TTYH3: variants seen among roughly 807,000 people sequenced by gnomAD.
The protein encoded by TTYH3 is protein tweety homolog 3.
TTYH3 carries 23 observed loss-of-function variants against 68.2 expected under a neutral mutation model. That is an observed-to-expected ratio of 0.34 (90% CI 0.24 to 0.48). The LOEUF (loss-of-function observed/expected upper bound fraction) is 0.48. Ranked by LOEUF, TTYH3 falls within the 20% of genes least tolerant of loss-of-function variation. The pLI is 0.99. For synonymous variants in TTYH3, 360 were observed against 332.8 expected, an observed-to-expected ratio of 1.08 and a Z score of -0.89; for missense variants, 768 against 727.7, an observed-to-expected ratio of 1.06 and a Z score of -0.64.
In TTYH3 at chr7:2,664,555, G is replaced by C. The variant is rs1361981991; in HGVS notation, c.*2816G>C. 1 of 151,660 alleles carries C rather than the reference G, an allele frequency of 6.6e-6. No homozygotes were observed. The highest frequency in any genetic ancestry group is 2.4e-5 in the African/African-American group (1 of 41,114). The allele number at this position is 151,660 out of a possible 1,614,324, so 9.4% of individuals were successfully genotyped here. On this transcript the variant is annotated 3_prime_UTR_variant, in exon 14 of 14. Transcript: ENST00000258796. ...TGGGCATCTGACCTCCCCCACCCCA[G>C]TGTGATTTAACATCCAGGAACTGAG...
At chr7:2,659,918 C>A in intron 13 of TTYH3, 1 of 1,300,258 alleles carries the variant, frequency 7.7e-7, no homozygotes, top group Non-Finnish European at 1.0e-6. Context: ...TCTTGCACCC[C>A]ACCCACCCCG....
Position 2,632,035 on chromosome 7 carries a change from A to T in TTYH3, c.-121A>T. On this transcript the variant is annotated 5_prime_UTR_variant, in exon 1 of 14. Coordinates refer to ENST00000258796, the MANE Select transcript of TTYH3 (RefSeq NM_025250.3). Reference sequence around the variant, plus strand: ...GGCCGAGCCGGGCCGGGCCGGGCCCAGGAGCGCGCGGATGATGCGGGCGGC... The same window carrying T: ...GGCCGAGCCGGGCCGGGCCGGGCCCTGGAGCGCGCGGATGATGCGGGCGGC... 1 of 907,344 alleles carries T rather than the reference A, an allele frequency of 1.1e-6. No homozygotes were observed. The highest frequency in any genetic ancestry group is 1.4e-6 in the Non-Finnish European group (1 of 720,418). 56.2% of individuals were successfully genotyped at this position (907,344 alleles called of 1,614,324 possible). A position where few individuals can be genotyped will look rare whatever the true frequency, so the allele number is the denominator to read the frequency against.
At chr7:2,636,791 C>T (rs1785668099) in intron 1 of TTYH3, among the ~76,000 whole-genome samples, 1 of 92,352 alleles carries the variant, frequency 1.1e-5, no homozygotes, top group Non-Finnish European at 2.0e-5. Flanking sequence ...AGCTGTGGGC[C>T]CTGGACCTGC....
chr7:2,646,496 C>T (rs1409297751), intron 1 of TTYH3, among the ~76,000 whole-genome samples: 2 of 152,346 alleles, frequency 1.3e-5, no homozygotes, highest in South Asian at 2.1e-4. Context: ...GTCCTGAGCA[C>T]CTGCCCTGGA....
chr7:2,641,190 T>C (rs1258974417), intron 1 of TTYH3, among the ~76,000 whole-genome samples: 3 of 152,170 alleles, frequency 2.0e-5, no homozygotes, highest in African/African-American at 7.2e-5. Context: ...CAGGGTATAC[T>C]GGGATCCTAT....
At chr7:2,660,548 C>T in intron 13 of TTYH3, 1 of 985,282 alleles carries the variant, frequency 1.0e-6, no homozygotes, top group Non-Finnish European at 1.2e-6. Flanking sequence ...CTGCCCCGTC[C>T]CGTCCAGTCC....
At chr7:2,644,508 C>T (rs1250633960) in intron 1 of TTYH3, among the ~76,000 whole-genome samples, 1 of 152,200 alleles carries the variant, frequency 6.6e-6, no homozygotes, top group Admixed American at 6.5e-5. Flanking sequence ...ACATGAGCTC[C>T]CTGGGACCAT....
At chr7:2,648,856 G>A (rs1016735258) in intron 5 of TTYH3, among the ~76,000 whole-genome samples, 4 of 149,340 alleles carry the variant, frequency 2.7e-5, no homozygotes, top group African/African-American at 7.4e-5. Context: ...AGACAGGAAG[G>A]ATGACAGTGT....
intron 1 of TTYH3, among the ~76,000 whole-genome samples, chr7:2,639,866 C>G (rs1010908391): frequency 6.6e-6 from 1 of 152,158 alleles, no homozygotes; most frequent in Admixed American, 6.5e-5. Context: ...TCTGCCCACC[C>G]CTTCTCTGGC....
intron 1 of TTYH3, among the ~76,000 whole-genome samples, chr7:2,639,628 G>A (rs937209512): frequency 3.3e-5 from 5 of 152,244 alleles, no homozygotes; most frequent in African/African-American, 1.2e-4. Flanking sequence ...GACCACAGCC[G>A]TCAGTGTGGG....
chr7:2,636,379 G>C (rs1785657583), intron 1 of TTYH3, among the ~76,000 whole-genome samples: 1 of 152,172 alleles, frequency 6.6e-6, no homozygotes, highest in Non-Finnish European at 1.5e-5. Context: ...CGTCCCTCCA[G>C]CTGGGTTCAG....
In TTYH3 at chr7:2,663,385, C is replaced by G. The variant is rs1012666499; in HGVS notation, c.*1646C>G. On this transcript the variant is annotated 3_prime_UTR_variant, in exon 14 of 14. Coordinates refer to ENST00000258796, the MANE Select transcript of TTYH3 (RefSeq NM_025250.3). ...CCTGGCCTTCCTCTGTGAACCCCTCCTTTCTTTGTGCTGGTGTCTGGGACC... is the reference window on the plus strand; with the variant it reads ...CCTGGCCTTCCTCTGTGAACCCCTCGTTTCTTTGTGCTGGTGTCTGGGACC... 1.3e-4 allele frequency: 20 copies of G among 152,972 alleles called. No individual in the cohort carries two copies. Among genetic ancestry groups the G allele is most frequent in the African/African-American group, 4.8e-4 (20 of 41,592 alleles). 9.5% of individuals were successfully genotyped at this position (152,972 alleles called of 1,614,324 possible).
At chr7:2,647,896 C>T in intron 4 of TTYH3, 63 bp from the exon 5 acceptor site, 1 of 1,579,942 alleles carries the variant, frequency 6.3e-7, no homozygotes, top group Non-Finnish European at 8.6e-7. Context: ...TCAAGGGCCC[C>T]TGGCGCCCCA....
At chr7:2,640,659 CCTGTGT>C (rs1785815857) in intron 1 of TTYH3, among the ~76,000 whole-genome samples, 1 of 152,182 alleles carries the variant, frequency 6.6e-6, no homozygotes, top group Non-Finnish European at 1.5e-5. Flanking sequence ...TTGGGGGGTG[CCTGTGT>C]CTGTGTGGCT....
intron 1 of TTYH3, among the ~76,000 whole-genome samples, chr7:2,636,209 T>C (rs1305324636): frequency 1.3e-5 from 2 of 152,198 alleles, no homozygotes; most frequent in Admixed American, 6.5e-5. Flanking sequence ...GGCAGTTCCC[T>C]GGGGCAGGGC....
At chr7:2,646,141 A>G (rs529786493) in intron 1 of TTYH3, among the ~76,000 whole-genome samples, 146 of 151,984 alleles carry the variant, frequency 9.6e-4, no homozygotes, top group South Asian at 6.6e-3. Context: ...CAGCCTCCTG[A>G]GTAGCTGGGA....
At chr7:2,653,083 C>G in intron 9 of TTYH3, 73 bp downstream of exon 9, 1 of 1,411,874 alleles carries the variant, frequency 7.1e-7, no homozygotes, top group South Asian at 1.3e-5. Flanking sequence ...ATTTGTGGTG[C>G]AAACACAGCT....
At chr7:2,656,329 T>G in intron 10 of TTYH3, 69 bp from the exon 11 acceptor site, 1 of 1,580,646 alleles carries the variant, frequency 6.3e-7, no homozygotes, top group Non-Finnish European at 8.6e-7. Context: ...GTGGCTGGGC[T>G]GAAGGTCTCA....
At chr7:2,633,607 A>G (rs1416612724) in intron 1 of TTYH3, among the ~76,000 whole-genome samples, 2 of 152,328 alleles carry the variant, frequency 1.3e-5, no homozygotes, top group African/African-American at 4.8e-5. Flanking sequence ...TGTGGGGGCA[A>G]TGCACATTCA....
Sources: gnomAD v4.1 joint callset for allele counts (sites outside exome capture counted in the v4.1 genomes callset) on GRCh38, gnomAD v4.1.1 for gene constraint, MANE v1.5 for transcripts, NCBI Gene and HGNC (gene_info 2026-07-23, HGNC 2026-07-21) for gene names.